The following CRKL variants were observed in gnomAD, a reference collection of about 807,000 sequenced individuals.
CRKL encodes the protein crk-like protein.
In CRKL, 3 loss-of-function variants were observed where a neutral mutation model predicts 23.0. The observed-to-expected ratio is 0.13, with a 90% CI of 0.06 to 0.34. The LOEUF (loss-of-function observed/expected upper bound fraction) is 0.34, where lower values mean the gene tolerates loss of function less well. Ranked by LOEUF, CRKL falls within the 10% of genes least tolerant of loss-of-function variation. CRKL has a pLI of 1.00. For missense variants in CRKL, 256 were observed against 394.5 expected (o/e 0.65, Z 2.97); for synonymous variants, 188 against 160.7 (o/e 1.17, Z -1.28).
chr22:20,926,612 A>G (rs1196391994), intron 1 of CRKL, among the ~76,000 whole-genome samples: 1 of 152,142 alleles, frequency 6.6e-6, no homozygotes, highest in East Asian at 1.9e-4. Context: ...GAAGAGAGGT[A>G]AGGGCTGAAT....
Position 20,950,335 on chromosome 22 carries a change from TTTTC to T in CRKL, c.*494_*497del, listed in dbSNP as rs908376727. On this transcript the variant is annotated 3_prime_UTR_variant, in exon 3 of 3. Coordinates refer to ENST00000354336, the MANE Select transcript of CRKL (RefSeq NM_005207.4). ...TAAAACTCCAAAATCTGGCTTTTTT[TTTTC>T]TTTTGTTTTGGTTTGGTTTTGGAAA... 10 of 233,052 alleles carry T rather than the reference TTTTC, an allele frequency of 4.3e-5. No homozygotes were observed. The highest frequency in any genetic ancestry group is 1.3e-4 in the African/African-American group (6 of 45,182). 14.4% of individuals were successfully genotyped at this position (233,052 alleles called of 1,614,324 possible).
At chr22:20,934,293 A>T (rs2147906336) in intron 2 of CRKL, 49 bp downstream of exon 2, 1 of 1,495,644 alleles carries the variant, frequency 6.7e-7, no homozygotes, top group African/African-American at 1.4e-5. Flanking sequence ...ATTTGGTTTT[A>T]ATTTTTAGTT....
intron 2 of CRKL, among the ~76,000 whole-genome samples, chr22:20,934,769 G>A (rs2147906692): frequency 6.9e-6 from 1 of 145,252 alleles, no homozygotes; most frequent in Admixed American, 6.9e-5. Flanking sequence ...ATATGAAAAT[G>A]TCTTAGAATT....
At position 20,953,693 on chromosome 22, in the gene CRKL, A is replaced by G. The variant is rs1474319586; in HGVS notation, c.*3848A>G. The G allele has an allele frequency of 1.0e-5, 2 of 192,838 alleles. No homozygotes were observed. Among genetic ancestry groups the G allele is most frequent in the Non-Finnish European group, 2.2e-5 (2 of 92,336 alleles). The allele number at this position is 192,838 out of a possible 1,614,324, so 11.9% of individuals were successfully genotyped here. The stretch of plus-strand genomic sequence containing the variant: ...TCCCAGCATCAAAACCCTTGTTTCC[A>G]TGGCCTGTTTGTATATTGTCTCAAT... On this transcript the variant is annotated 3_prime_UTR_variant, in exon 3 of 3. Coordinates refer to ENST00000354336, the MANE Select transcript of CRKL (RefSeq NM_005207.4).
intron 2 of CRKL, among the ~76,000 whole-genome samples, chr22:20,936,163 A>G (rs1921652751): frequency 2.0e-5 from 3 of 152,142 alleles, no homozygotes; most frequent in Admixed American, 2.0e-4. Context: ...CTATCTCAAA[A>G]AAAGGGGGGA....
At chr22:20,944,527 C>T (rs1022840357) in intron 2 of CRKL, among the ~76,000 whole-genome samples, 2 of 152,102 alleles carry the variant, frequency 1.3e-5, no homozygotes, top group African/African-American at 4.8e-5. Flanking sequence ...GCCTCAGCCT[C>T]CCAAGTAGCT....
At chr22:20,938,771 G>A (rs559053111) in intron 2 of CRKL, among the ~76,000 whole-genome samples, 1 of 151,970 alleles carries the variant, frequency 6.6e-6, no homozygotes, top group Non-Finnish European at 1.5e-5. Flanking sequence ...CTTAACCCTG[G>A]GTACACACAC....
rs1294312814 is a variant in CRKL at position 20,917,707 on chromosome 22, C to G, written c.-228C>G. 1 of 568,974 alleles carries G rather than the reference C, an allele frequency of 1.8e-6. No homozygotes were observed. Among genetic ancestry groups the G allele is most frequent in the African/African-American group, 2.0e-5 (1 of 51,024 alleles). The allele number at this position is 568,974 out of a possible 1,614,324, so 35.2% of individuals were successfully genotyped here. A position where few individuals can be genotyped will look rare whatever the true frequency, so the allele number is the denominator to read the frequency against. On this transcript the variant is annotated 5_prime_UTR_variant, in exon 1 of 3. Coordinates refer to ENST00000354336, the MANE Select transcript of CRKL (RefSeq NM_005207.4). Reference sequence around the variant, plus strand: ...GCCCCGACCCCCCGGCTCTGCCGTGCATTCCCGGGCGGCTCTCTCCGTGTG... The same window carrying G: ...GCCCCGACCCCCCGGCTCTGCCGTGGATTCCCGGGCGGCTCTCTCCGTGTG...
At chr22:20,948,716 T>A (rs1455720723) in intron 2 of CRKL, among the ~76,000 whole-genome samples, 1 of 152,128 alleles carries the variant, frequency 6.6e-6, no homozygotes, top group East Asian at 1.9e-4. Flanking sequence ...CGCCGGCTGG[T>A]CTCAAACTCC....
At chr22:20,944,224 A>G (rs1484478156) in intron 2 of CRKL, among the ~76,000 whole-genome samples, 1 of 150,100 alleles carries the variant, frequency 6.7e-6, no homozygotes, top group African/African-American at 2.5e-5. Flanking sequence ...CCTGGGCTCA[A>G]GTGATCCTCC....
Position 20,950,039 on chromosome 22 carries a change from C to T in CRKL, c.*194C>T. ...GATGTTTGTATCATAGTCGTATTGTCAAAGAGTAGCCGATTTTAGAGTTCT... is the reference window on the plus strand; with the variant it reads ...GATGTTTGTATCATAGTCGTATTGTTAAAGAGTAGCCGATTTTAGAGTTCT... On this transcript the variant is annotated 3_prime_UTR_variant, in exon 3 of 3. Coordinates refer to ENST00000354336, the MANE Select transcript of CRKL (RefSeq NM_005207.4). 1.6e-6 allele frequency: 1 copy of T among 636,322 alleles called. No individual in the cohort carries two copies. Among genetic ancestry groups the T allele is most frequent in the South Asian group, 2.5e-5 (1 of 40,088 alleles). The allele number at this position is 636,322 out of a possible 1,614,324, so 39.4% of individuals were successfully genotyped here.
chr22:20,946,100 T>C (rs975933216), intron 2 of CRKL, among the ~76,000 whole-genome samples: 1 of 152,216 alleles, frequency 6.6e-6, no homozygotes, highest in African/African-American at 2.4e-5. Flanking sequence ...ATGATTCCAG[T>C]GTCACCAGTG....
intron 2 of CRKL, among the ~76,000 whole-genome samples, chr22:20,937,970 A>G (rs1001437738): frequency 2.0e-5 from 3 of 152,134 alleles, no homozygotes; most frequent in Non-Finnish European, 2.9e-5. Context: ...CACGGGTTTA[A>G]GCGATTCTCA....
chr22:20,950,268 G>A lies in CRKL; in HGVS notation c.*423G>A. 4.2e-6 allele frequency: 1 copy of A among 237,806 alleles called. No individual in the cohort carries two copies. The highest frequency in any genetic ancestry group is 8.2e-6 in the Non-Finnish European group (1 of 121,576). The allele number at this position is 237,806 out of a possible 1,614,324, so 14.7% of individuals were successfully genotyped here. A position where few individuals can be genotyped will look rare whatever the true frequency, so the allele number is the denominator to read the frequency against. On this transcript the variant is annotated 3_prime_UTR_variant, in exon 3 of 3. Coordinates refer to ENST00000354336, the MANE Select transcript of CRKL (RefSeq NM_005207.4). Reference sequence around the variant, plus strand: ...CTTAGCTGCCATCTTGCTTTTCTTTGGACAACAGGAAGTGAACCTTAAGGA... The same window carrying A: ...CTTAGCTGCCATCTTGCTTTTCTTTAGACAACAGGAAGTGAACCTTAAGGA...
Position 20,929,514 on chromosome 22 carries a change from A to G in CRKL, c.312-4265A>G, listed in dbSNP as rs191111787. Reference sequence around the variant, plus strand: ...AATCTCTGTCTGTCGCCCAGGCTGGAGTGCAGTGGCATGATCTCAGCTCAC... The same window carrying G: ...AATCTCTGTCTGTCGCCCAGGCTGGGGTGCAGTGGCATGATCTCAGCTCAC... On this transcript the variant is annotated intron_variant, in intron 1 of 2. Coordinates refer to ENST00000354336, the MANE Select transcript of CRKL (RefSeq NM_005207.4). 3.1e-3 allele frequency among the ~76,000 whole-genome samples: 469 copies of G among 150,854 alleles called. 2 individuals are homozygous for G. The highest frequency in any genetic ancestry group is 0.011 in the African/African-American group (454 of 40,956).
rs191371291 is a variant in CRKL at position 20,935,136 on chromosome 22, G to A, written c.777+892G>A. On this transcript the variant is annotated intron_variant, in intron 2 of 2. Transcript: ENST00000354336. ...GCCCAGGAATGATTTTTTTTGAGAT[G>A]GAGTCTTACTTTGTCACCCAGGCTC... Among the ~76,000 whole-genome samples, 32 of 151,252 alleles carry A rather than the reference G, an allele frequency of 2.1e-4. No homozygotes were observed. In the South Asian group the frequency reaches 2.7e-3, roughly 13 times the overall value.
chr22:20,937,010 G>A (rs1343786686), intron 2 of CRKL, among the ~76,000 whole-genome samples: 1 of 152,004 alleles, frequency 6.6e-6, no homozygotes, highest in African/African-American at 2.4e-5. Flanking sequence ...ACAGGTGCCC[G>A]CCACCATACC....
chr22:20,949,461 G>A (rs963952242), intron 2 of CRKL, among the ~76,000 whole-genome samples: 6 of 152,148 alleles, frequency 3.9e-5, no homozygotes, highest in African/African-American at 1.4e-4. Context: ...AAAATAATGT[G>A]CATGGTGGTG....
chr22:20,928,132 G>C (rs913352779), intron 1 of CRKL, among the ~76,000 whole-genome samples: 9 of 152,122 alleles, frequency 5.9e-5, no homozygotes, highest in African/African-American at 1.9e-4. Flanking sequence ...ACTCCAGCCT[G>C]GGCAATAGAG....
Sources: allele counts gnomAD v4.1 joint callset (sites outside exome capture counted in the v4.1 genomes callset), GRCh38; gene constraint gnomAD v4.1.1; transcripts MANE v1.5; gene names NCBI Gene and HGNC (gene_info 2026-07-23, HGNC 2026-07-21).